The following MAGI1 variants were observed in gnomAD, a reference collection of about 807,000 sequenced individuals.
MAGI1 encodes membrane-associated guanylate kinase, WW and PDZ domain-containing protein 1.
A neutral mutation model predicts 139.9 loss-of-function variants in MAGI1; 58 were observed. The ratio of observed to expected loss-of-function variants is 0.41; its 90% CI spans 0.34 to 0.52. The LOEUF (loss-of-function observed/expected upper bound fraction) is 0.52. Ranked by LOEUF, MAGI1 falls within the 20% of genes least tolerant of loss-of-function variation. The pLI, the probability that MAGI1 is intolerant of heterozygous loss-of-function variation, is 0.12. For missense variants in MAGI1, 1,874 were observed against 1,901.6 expected, an observed-to-expected ratio of 0.99 and a Z score of 0.27; for synonymous variants, 812 against 737.9, an observed-to-expected ratio of 1.10 and a Z score of -1.63.
intron 14 of MAGI1, 109 bp downstream of exon 14, chr3:65,391,033 A>G (rs778889981): frequency 6.6e-5 from 63 of 947,740 alleles, no homozygotes; most frequent in Non-Finnish European, 1.0e-4. Flanking sequence ...TGCGGATTTC[A>G]CTTTACCCAG....
intron 2 of MAGI1, among the ~76,000 whole-genome samples, chr3:65,593,889 GT>G (rs1279250485): frequency 2.6e-5 from 4 of 152,074 alleles, no homozygotes; most frequent in Non-Finnish European, 4.4e-5. Context: ...AAAGAAATAT[GT>G]TTTTTTCTTT....
intron 18 of MAGI1, among the ~76,000 whole-genome samples, chr3:65,367,723 G>C (rs1364376198): frequency 6.6e-6 from 1 of 152,106 alleles, no homozygotes; most frequent in African/African-American, 2.4e-5. Flanking sequence ...GAGATACTGG[G>C]AATTAAACCC....
At chr3:65,527,924 G>A (rs2372064) in intron 2 of MAGI1, among the ~76,000 whole-genome samples, 2,733 of 150,320 alleles carry the variant, frequency 0.018, 39 homozygotes, top group Middle Eastern at 0.045. Flanking sequence ...AAAAAAAAAA[G>A]TTAATTATAT....
At chr3:65,607,833 G>A (rs886295877) in intron 2 of MAGI1, among the ~76,000 whole-genome samples, 18 of 152,066 alleles carry the variant, frequency 1.2e-4, no homozygotes, top group East Asian at 3.9e-4. Context: ...TTATGCATGC[G>A]GCCACTGTCT....
rs201320176 is a variant in MAGI1, at chr3:65,913,385, A to AC, written c.313+124610dup. The stretch of plus-strand genomic sequence containing the variant: ...GAATTAGGATTATTCCTCCTCCCCA[A>AC]CCCCCCCAAAAAATCCAAAACATGG... On this transcript the variant is annotated intron_variant, in intron 1 of 22. Coordinates refer to ENST00000402939, the MANE Select transcript of MAGI1 (RefSeq NM_001033057.2). Among the ~76,000 whole-genome samples the AC allele has an allele frequency of 9.9e-3, 1,509 of 151,910 alleles. 29 individuals are homozygous for AC. The highest frequency in any genetic ancestry group is 0.034 in the African/African-American group (1,404 of 41,396).
At chr3:65,468,793 A>G (rs563315035) in intron 5 of MAGI1, among the ~76,000 whole-genome samples, 10 of 151,796 alleles carry the variant, frequency 6.6e-5, no homozygotes, top group African/African-American at 1.9e-4. Flanking sequence ...TAAGTATGTC[A>G]TGCTTGGTGA....
chr3:65,523,365 T>C (rs556412452), intron 2 of MAGI1, among the ~76,000 whole-genome samples: 6 of 149,184 alleles, frequency 4.0e-5, no homozygotes, highest in East Asian at 2.0e-4. Context: ...CACCATTTAA[T>C]GTGGCAACCT....
intron 1 of MAGI1, among the ~76,000 whole-genome samples, chr3:65,940,807 C>T (rs1477356301): frequency 6.6e-6 from 1 of 152,116 alleles, no homozygotes; most frequent in Admixed American, 6.5e-5. Flanking sequence ...AGGTATTAAC[C>T]ATGATTTAGT....
intron 5 of MAGI1, 52 bp downstream of exon 5, chr3:65,470,231 G>T: frequency 1.5e-6 from 2 of 1,303,740 alleles, no homozygotes; most frequent in Non-Finnish European, 2.2e-6. Context: ...CAGAGGGAAG[G>T]AAGGGAAAAG....
At chr3:65,613,564 AT>A (rs1403847680) in intron 2 of MAGI1, among the ~76,000 whole-genome samples, 5 of 152,188 alleles carry the variant, frequency 3.3e-5, no homozygotes, top group Admixed American at 1.3e-4. Flanking sequence ...TACGTTTGTA[AT>A]TTTTTTCCCA....
chr3:65,480,777 G>A (rs940365496), intron 3 of MAGI1, among the ~76,000 whole-genome samples: 3 of 151,674 alleles, frequency 2.0e-5, no homozygotes, highest in Non-Finnish European at 2.9e-5. Flanking sequence ...TAGTAGAGAC[G>A]GGATTTCACC....
intron 2 of MAGI1, among the ~76,000 whole-genome samples, chr3:65,515,285 T>C (rs1156604906): frequency 1.3e-5 from 2 of 151,676 alleles, no homozygotes; most frequent in Admixed American, 6.6e-5. Context: ...AATGTGCACA[T>C]GTACCCTAAA....
At chr3:66,031,313 G>A (rs1285397960) in intron 1 of MAGI1, among the ~76,000 whole-genome samples, 2 of 152,134 alleles carry the variant, frequency 1.3e-5, no homozygotes, top group African/African-American at 2.4e-5. Context: ...AATAACCCTC[G>A]TTTACAAAGC....
At chr3:66,006,712 A>G (rs2107476034) in intron 1 of MAGI1, among the ~76,000 whole-genome samples, 1 of 152,352 alleles carries the variant, frequency 6.6e-6, no homozygotes, top group African/African-American at 2.4e-5. Context: ...ATCAACACAC[A>G]GACACATAAA....
chr3:65,647,441 A>G (rs1368656075), intron 1 of MAGI1, among the ~76,000 whole-genome samples: 1 of 152,092 alleles, frequency 6.6e-6, no homozygotes, highest in Non-Finnish European at 1.5e-5. Flanking sequence ...ACAACAACAA[A>G]CAGTGGACCA....
chr3:65,380,594 G>A (rs192514921), intron 16 of MAGI1: 1 of 152,000 alleles, frequency 6.6e-6, no homozygotes, highest in Non-Finnish European at 1.5e-5. Flanking sequence ...CATATAAAGG[G>A]AATCAATATT....
intron 1 of MAGI1, among the ~76,000 whole-genome samples, chr3:65,828,239 G>A (rs2042334360): frequency 1.3e-5 from 2 of 152,122 alleles, no homozygotes; most frequent in South Asian, 4.2e-4. Context: ...TCTTCAACTG[G>A]CCAGAGGAGG....
At chr3:65,900,792 T>G (rs1232283931) in intron 1 of MAGI1, among the ~76,000 whole-genome samples, 4 of 152,210 alleles carry the variant, frequency 2.6e-5, no homozygotes, top group Non-Finnish European at 4.4e-5. Context: ...GGTGCAGACA[T>G]CTGACCTATT....
chr3:65,630,247 T>A (rs977320821), intron 1 of MAGI1, among the ~76,000 whole-genome samples: 11 of 152,170 alleles, frequency 7.2e-5, no homozygotes. Context: ...CAGCAGGGTA[T>A]ATGCCTGCTT....
Sources: gnomAD v4.1 joint callset for allele counts (sites outside exome capture counted in the v4.1 genomes callset) on GRCh38, gnomAD v4.1.1 for gene constraint, MANE v1.5 for transcripts, NCBI Gene and HGNC (gene_info 2026-07-23, HGNC 2026-07-21) for gene names.